CADM1: variants seen among roughly 807,000 people sequenced by gnomAD.
CADM1 encodes cell adhesion molecule 1, also known as TSLC-1.
A neutral mutation model predicts 53.1 loss-of-function variants in CADM1; 15 were observed. The observed-to-expected ratio is 0.28, with a 90% CI of 0.19 to 0.44. CADM1 has a LOEUF of 0.44. Ranked by LOEUF, CADM1 falls within the 20% of genes least tolerant of loss-of-function variation. The pLI is 1.00. For missense variants in CADM1, 434 were observed against 611.3 expected (o/e 0.71, Z 3.06); for synonymous variants, 281 against 243.0 (o/e 1.16, Z -1.45).
At chr11:115,343,231 T>C (rs1329579993) in intron 1 of CADM1, among the ~76,000 whole-genome samples, 2 of 152,140 alleles carry the variant, frequency 1.3e-5, no homozygotes, top group Admixed American at 1.3e-4. Flanking sequence ...TAGTAAAAGA[T>C]GGAGTTAGAA....
At chr11:115,493,769 T>C (rs112080353) in intron 1 of CADM1, among the ~76,000 whole-genome samples, 6,058 of 152,260 alleles carry the variant, frequency 0.04, 175 homozygotes, top group Middle Eastern at 0.092. Context: ...ATCAAACAAT[T>C]TGTAGAACTA....
intron 1 of CADM1, among the ~76,000 whole-genome samples, chr11:115,283,273 T>C (rs974933631): frequency 6.6e-6 from 1 of 152,050 alleles, no homozygotes. Context: ...GCCTGAAGTA[T>C]AATTAAATCG....
chr11:115,328,293 T>C (rs1178189743), intron 1 of CADM1, among the ~76,000 whole-genome samples: 1 of 152,124 alleles, frequency 6.6e-6, no homozygotes, highest in East Asian at 1.9e-4. Flanking sequence ...CATTACTGCA[T>C]GCTAATCTCA....
chr11:115,420,636 T>A (rs1947730188), intron 1 of CADM1, among the ~76,000 whole-genome samples: 1 of 152,182 alleles, frequency 6.6e-6, no homozygotes, highest in African/African-American at 2.4e-5. Flanking sequence ...CAGGAGAGGT[T>A]CCTACTCAAA....
At chr11:115,487,899 T>G (rs1227257746) in intron 1 of CADM1, among the ~76,000 whole-genome samples, 1 of 152,278 alleles carries the variant, frequency 6.6e-6, no homozygotes, top group East Asian at 1.9e-4. Flanking sequence ...AAAGATACAA[T>G]TTTTCTTGAA....
chr11:115,203,484 A>G (rs1225793546), intron 8 of CADM1, among the ~76,000 whole-genome samples: 1 of 152,100 alleles, frequency 6.6e-6, no homozygotes. Flanking sequence ...TAGATATGGG[A>G]GGGCTGGGTC....
chr11:115,327,519 A>AG (rs967379507), intron 1 of CADM1, among the ~76,000 whole-genome samples: 20 of 120,110 alleles, frequency 1.7e-4, no homozygotes, highest in African/African-American at 5.9e-4. Context: ...AATACATAAG[A>AG]GTTTTTTTTT....
chr11:115,465,631 G>A (rs549833213), intron 1 of CADM1, among the ~76,000 whole-genome samples: 22 of 152,222 alleles, frequency 1.4e-4, no homozygotes, highest in Admixed American at 1.4e-3. Context: ...ACAAGAAAAC[G>A]AAGGTTCAGG....
chr11:115,277,393 A>G (rs1294278564), intron 1 of CADM1, among the ~76,000 whole-genome samples: 1 of 152,204 alleles, frequency 6.6e-6, no homozygotes, highest in Non-Finnish European at 1.5e-5. Flanking sequence ...ATCATTAATA[A>G]TAATAACAAC....
At chr11:115,308,192 G>GTATATATATATATATATATATATA (rs1387092815) in intron 1 of CADM1, among the ~76,000 whole-genome samples, 1 of 70,448 alleles carries the variant, frequency 1.4e-5, no homozygotes, top group African/African-American at 6.4e-5. Flanking sequence ...ACTCATAGGT[G>GTATATATATATATATATATATATA]TGTATATATA....
chr11:115,488,482 A>G (rs1251294824), intron 1 of CADM1, among the ~76,000 whole-genome samples: 2 of 152,348 alleles, frequency 1.3e-5, no homozygotes, highest in East Asian at 3.9e-4. Flanking sequence ...CTCCTTCACA[A>G]GGTCACAGAT....
At position 115,375,030 on chromosome 11, in the gene CADM1, T is replaced by C. The variant is rs1485759887; in HGVS notation, c.124+129241A>G. On this transcript the variant is annotated intron_variant, in intron 1 of 11. Transcript: ENST00000331581. ...AAGAAAATATTATTGTGGTTATCTTTTTAAAAAAGAATCCCTGTCTTTTAG... is the reference window on the plus strand; with the variant it reads ...AAGAAAATATTATTGTGGTTATCTTCTTAAAAAAGAATCCCTGTCTTTTAG... Among the ~76,000 whole-genome samples, 3 of 152,204 alleles carry C rather than the reference T, an allele frequency of 2.0e-5. No homozygotes were observed. In the East Asian group the frequency reaches 5.8e-4, roughly 29 times the overall value.
At chr11:115,304,671 C>G (rs1424069460) in intron 1 of CADM1, among the ~76,000 whole-genome samples, 2 of 152,008 alleles carry the variant, frequency 1.3e-5, no homozygotes, top group Non-Finnish European at 2.9e-5. Flanking sequence ...GATTGGATAT[C>G]ATACCACAAA....
At chr11:115,187,319 C>T (rs1217070764) in intron 10 of CADM1, among the ~76,000 whole-genome samples, 2 of 152,182 alleles carry the variant, frequency 1.3e-5, no homozygotes, top group Non-Finnish European at 2.9e-5. Context: ...TAAGTTTAGC[C>T]AGGACTTAAG....
intron 1 of CADM1, among the ~76,000 whole-genome samples, chr11:115,406,631 A>G (rs2135233137): frequency 6.7e-6 from 1 of 149,410 alleles, no homozygotes; most frequent in South Asian, 2.1e-4. Flanking sequence ...TAGGTTATAT[A>G]TTACTAAGCA....
In CADM1 at chr11:115,174,352, T is replaced by G. The variant is rs1938922195; in HGVS notation, c.*2122A>C. On this transcript the variant is annotated 3_prime_UTR_variant, in exon 12 of 12. Transcript: ENST00000331581. Reference sequence around the variant, plus strand: ...AACCTTTCAACAACATGCTAAATGATTCTCACCCTTTGATATGATTATACT... The same window carrying G: ...AACCTTTCAACAACATGCTAAATGAGTCTCACCCTTTGATATGATTATACT... The G allele has an allele frequency of 1.0e-6, 1 of 985,378 alleles. No individual in the cohort carries two copies. Among genetic ancestry groups the G allele is most frequent in the African/African-American group, 1.7e-5 (1 of 57,192 alleles). The allele number at this position is 985,378 out of a possible 1,614,324, so 61.0% of individuals were successfully genotyped here.
At chr11:115,271,879 T>C (rs1164094516) in intron 1 of CADM1, among the ~76,000 whole-genome samples, 1 of 152,210 alleles carries the variant, frequency 6.6e-6, no homozygotes, top group African/African-American at 2.4e-5. Flanking sequence ...TGGATATGCA[T>C]CTTTAATTAG....
chr11:115,327,231 G>T (rs1019874640), intron 1 of CADM1, among the ~76,000 whole-genome samples: 1 of 152,042 alleles, frequency 6.6e-6, no homozygotes, highest in African/African-American at 2.4e-5. Flanking sequence ...GGGGTTAGGT[G>T]ACTTACTTGA....
At chr11:115,369,049 A>AC (rs1256039191) in intron 1 of CADM1, among the ~76,000 whole-genome samples, 1 of 149,786 alleles carries the variant, frequency 6.7e-6, no homozygotes, top group Non-Finnish European at 1.5e-5. Flanking sequence ...AAAAAAAAAA[A>AC]AAAAATTAGG....
Sources: allele counts gnomAD v4.1 joint callset (sites outside exome capture counted in the v4.1 genomes callset), GRCh38; gene constraint gnomAD v4.1.1; transcripts MANE v1.5; gene names NCBI Gene and HGNC (gene_info 2026-07-23, HGNC 2026-07-21).